Variants in CELF2 observed in about 807,000 individuals in gnomAD.
CELF2 encodes CUG triplet repeat RNA-binding protein 2.
Under a neutral mutation model 62.6 loss-of-function variants are expected in CELF2, and 8 were observed. That is an observed-to-expected ratio of 0.13 (90% CI 0.07 to 0.23). CELF2 has a LOEUF of 0.23. Among genes scored for constraint, CELF2 ranks in the 10% least tolerant of loss-of-function variants. CELF2 has a pLI of 1.00. For missense variants in CELF2, 333 were observed against 671.0 expected (o/e 0.50, Z 5.56); for synonymous variants, 258 against 250.0 (o/e 1.03, Z -0.30).
At chr10:11,004,673 C>G (rs539302062), upstream of CELF2, among the ~76,000 whole-genome samples, 1 of 152,112 alleles carries the variant, frequency 6.6e-6, no homozygotes, top group African/African-American at 2.4e-5. This position sits in a 1 kb window ranked among gnomAD's most constrained non-coding sequence, Gnocchi z 5.0. Flanking sequence ...TTTAGATACC[C>G]TCCTCCAGGT....
At chr10:11,254,737 C>T (rs78682206) in intron 4 of CELF2, among the ~76,000 whole-genome samples, 1,595 of 152,264 alleles carry the variant, frequency 0.01, 30 homozygotes, top group African/African-American at 0.036. Flanking sequence ...GAACTAAAAC[C>T]AGATTGTTCA....
At chr10:11,271,868 T>C (rs187208835) in intron 7 of CELF2, among the ~76,000 whole-genome samples, 42 of 152,252 alleles carry the variant, frequency 2.8e-4, no homozygotes, top group South Asian at 1.7e-3. Context: ...CTATTCCACC[T>C]TGGAAGGTGA....
chr10:10,937,894 A>T (rs1478900360), intron 2 of CELF2, among the ~76,000 whole-genome samples: 4 of 151,982 alleles, frequency 2.6e-5, no homozygotes, highest in Non-Finnish European at 5.9e-5. Context: ...TAGTTTTGAA[A>T]TTGATTCCTG....
intron 1 of CELF2, among the ~76,000 whole-genome samples, chr10:10,906,364 C>T (rs1258431047): frequency 6.6e-6 from 1 of 152,206 alleles, no homozygotes; most frequent in East Asian, 1.9e-4. Flanking sequence ...TTTTACCCAG[C>T]ACTTTGCGCC....
the CELF2 span, among the ~76,000 whole-genome samples, chr10:10,562,413 G>T: frequency 6.6e-6 from 1 of 152,200 alleles, no homozygotes; most frequent in Non-Finnish European, 1.5e-5. Context: ...AGAAATGTTT[G>T]TGTAGTGTTG....
chr10:11,219,110 G>C (rs2064091090), intron 3 of CELF2, among the ~76,000 whole-genome samples: 1 of 152,172 alleles, frequency 6.6e-6, no homozygotes, highest in African/African-American at 2.4e-5. Context: ...TTAAGGTATA[G>C]TGTAGTTTGA....
chr10:10,848,620 G>C (rs2059164414), intron 1 of CELF2, among the ~76,000 whole-genome samples: 1 of 152,162 alleles, frequency 6.6e-6, no homozygotes, highest in Non-Finnish European at 1.5e-5. Context: ...TGGTTTTGTG[G>C]AGTTCTGCTG....
chr10:11,073,682 G>C (rs1329061707), intron 1 of CELF2, among the ~76,000 whole-genome samples: 1 of 152,186 alleles, frequency 6.6e-6, no homozygotes, highest in Non-Finnish European at 1.5e-5. Context: ...CATCAGAATG[G>C]CCTTGGGCCT....
At chr10:11,003,118 CA>C (rs1799008662), upstream of CELF2, among the ~76,000 whole-genome samples, 1 of 152,192 alleles carries the variant, frequency 6.6e-6, no homozygotes, top group African/African-American at 2.4e-5. The surrounding 1 kb of genome is among the most constrained non-coding windows in gnomAD (Gnocchi z 4.4). Flanking sequence ...GTAAAGCCCT[CA>C]ATCTGTCATC....
intron 2 of CELF2, among the ~76,000 whole-genome samples, chr10:11,198,591 G>A (rs2058522247): frequency 6.6e-6 from 1 of 152,168 alleles, no homozygotes; most frequent in South Asian, 2.1e-4. Context: ...TCTGAAAGCA[G>A]TCAGAACATA....
intron 2 of CELF2, among the ~76,000 whole-genome samples, chr10:10,996,312 G>A (rs1035295044): frequency 2.0e-5 from 3 of 152,194 alleles, no homozygotes; most frequent in Non-Finnish European, 2.9e-5. Flanking sequence ...ATACATTAGA[G>A]GAGATGGTGA....
At chr10:11,125,337 T>A (rs1250915067) in intron 1 of CELF2, among the ~76,000 whole-genome samples, 1 of 152,036 alleles carries the variant, frequency 6.6e-6, no homozygotes, top group African/African-American at 2.4e-5. Context: ...GAGCTAGGAA[T>A]CGGGATTTTT....
intron 1 of CELF2, among the ~76,000 whole-genome samples, chr10:10,897,503 G>A (rs1036695882): frequency 2.0e-5 from 3 of 152,124 alleles, no homozygotes; most frequent in Admixed American, 1.3e-4. Context: ...AGAAGGATGA[G>A]TACTTGATTT....
intron 1 of CELF2, among the ~76,000 whole-genome samples, chr10:10,835,176 AG>A: frequency 1.3e-5 from 2 of 152,140 alleles, no homozygotes; most frequent in South Asian, 4.2e-4. Flanking sequence ...TTTAGAGACA[AG>A]GGTCTCCCTC....
chr10:10,465,089 T>C, the CELF2 span, among the ~76,000 whole-genome samples: 7 of 152,182 alleles, frequency 4.6e-5, no homozygotes, highest in Non-Finnish European at 8.8e-5. Context: ...ATTGTTATTT[T>C]ACACACAGAC....
chr10:10,641,615 A>G, the CELF2 span, among the ~76,000 whole-genome samples: 7 of 151,802 alleles, frequency 4.6e-5, no homozygotes, highest in Non-Finnish European at 8.8e-5. Context: ...TAATTTTTGT[A>G]TTTTTAGTAG....
rs7097593 is a variant in CELF2 at position 11,211,811 on chromosome 10, A to T, written c.272-5614A>T. Among the ~76,000 whole-genome samples, 1,614 of 56,004 alleles carry T rather than the reference A, an allele frequency of 0.029. 11 individuals carry two copies. Among genetic ancestry groups the T allele is most frequent in the African/African-American group, 0.04 (536 of 13,520 alleles). 36.7% of individuals were successfully genotyped at this position (56,004 alleles called of 152,430 possible). ...GTGTGTGAGAGAGAGAGAGAGAGAG[A>T]GAGTGTGTGTGTGTGTGTGTGTGTG... On this transcript the variant is annotated intron_variant, in intron 2 of 12. Transcript: ENST00000633077. The surrounding 1 kb of genome is among the most constrained non-coding windows in gnomAD (Gnocchi z 4.8).
At chr10:10,615,156 A>G in the CELF2 span, among the ~76,000 whole-genome samples, 1 of 152,278 alleles carries the variant, frequency 6.6e-6, no homozygotes, top group Non-Finnish European at 1.5e-5. Context: ...AAAGCCATGA[A>G]GTAAGGCACA....
intron 1 of CELF2, among the ~76,000 whole-genome samples, chr10:11,104,149 A>G (rs146473955): frequency 1.2e-3 from 184 of 152,312 alleles, no homozygotes; most frequent in African/African-American, 4.3e-3. Flanking sequence ...ATCATGTCAA[A>G]TTGTACAAGT....
Sources: gnomAD v4.1 joint callset for allele counts (sites outside exome capture counted in the v4.1 genomes callset) on GRCh38, gnomAD v4.1.1 for gene constraint, Gnocchi (gnomAD v3.1) non-coding constraint, MANE v1.5 for transcripts, NCBI Gene and HGNC (gene_info 2026-07-23, HGNC 2026-07-21) for gene names.